TSHZ2: variants seen among roughly 807,000 people sequenced by gnomAD.
TSHZ2 encodes teashirt homolog 2.
In TSHZ2, 21 loss-of-function variants were observed where a neutral mutation model predicts 74.4. The ratio of observed to expected loss-of-function variants is 0.28; its 90% confidence interval spans 0.20 to 0.41. The LOEUF is 0.41. Ranked by LOEUF, TSHZ2 falls within the 10% of genes least tolerant of loss-of-function variation. The pLI is 1.00. For synonymous variants in TSHZ2, 540 were observed against 515.3 expected (o/e 1.05, Z -0.65); for missense variants, 1,244 against 1,293.5 (o/e 0.96, Z 0.59).
At chr20:53,439,169 C>A (rs994044790) in intron 2 of TSHZ2, among the ~76,000 whole-genome samples, 1 of 152,116 alleles carries the variant, frequency 6.6e-6, no homozygotes, top group African/African-American at 2.4e-5. Flanking sequence ...ACATGTCTTC[C>A]TCTGACACTC....
chr20:53,062,703 A>G lies in TSHZ2; in HGVS notation c.40+89370A>G, dbSNP rs2033434391. ...CACTAAAACGTACTCCATATCAGCA[A>G]TAAGGCTGGTTCACTTTCCTATCAT... On this transcript the variant is annotated intron_variant, in intron 1 of 2. Transcript: ENST00000371497. 3.9e-5 allele frequency among the ~76,000 whole-genome samples: 6 copies of G among 152,352 alleles called. No individual in the cohort carries two copies. The South Asian group carries it at 1.0e-3, about 26-fold the overall frequency.
At chr20:53,363,621 C>A (rs1215589284) in intron 2 of TSHZ2, among the ~76,000 whole-genome samples, 2 of 152,188 alleles carry the variant, frequency 1.3e-5, no homozygotes, top group African/African-American at 4.8e-5. Flanking sequence ...GTGAGTGGAG[C>A]TGTCTGGGTG....
chr20:53,326,894 A>G (rs1979515855), intron 2 of TSHZ2, among the ~76,000 whole-genome samples: 2 of 152,228 alleles, frequency 1.3e-5, no homozygotes, highest in Non-Finnish European at 2.9e-5. Flanking sequence ...AATTATGATG[A>G]TCGGATTCTC....
At chr20:53,205,016 G>A (rs1036118251) in intron 1 of TSHZ2, among the ~76,000 whole-genome samples, 15 of 151,706 alleles carry the variant, frequency 9.9e-5, no homozygotes, top group Admixed American at 4.6e-4. Context: ...ACTTGAACCC[G>A]GGAGGCAGAG....
At chr20:53,114,336 G>C (rs1986612955) in intron 1 of TSHZ2, among the ~76,000 whole-genome samples, 1 of 152,152 alleles carries the variant, frequency 6.6e-6, no homozygotes, top group African/African-American at 2.4e-5. Flanking sequence ...TTTATACCTA[G>C]TCTTGAGCCT....
intron 1 of TSHZ2, among the ~76,000 whole-genome samples, chr20:53,084,429 C>T (rs1985627941): frequency 1.3e-5 from 2 of 152,118 alleles, no homozygotes; most frequent in African/African-American, 4.8e-5. Context: ...ATGTCACTAG[C>T]TAAAACTGAA....
At chr20:53,030,843 GT>G (rs1358549151) in intron 1 of TSHZ2, among the ~76,000 whole-genome samples, 1 of 152,138 alleles carries the variant, frequency 6.6e-6, no homozygotes. Flanking sequence ...ATCCAGTAGA[GT>G]TTTACAATCT....
At chr20:53,435,902 A>G (rs1450338206) in intron 2 of TSHZ2, among the ~76,000 whole-genome samples, 1 of 152,190 alleles carries the variant, frequency 6.6e-6, no homozygotes, top group Admixed American at 6.5e-5. Context: ...TAAGTTATTT[A>G]TCACCCTGTG....
chr20:53,157,990 T>C (rs1017900035), intron 1 of TSHZ2, among the ~76,000 whole-genome samples: 11 of 151,876 alleles, frequency 7.2e-5, no homozygotes, highest in African/African-American at 2.7e-4. Context: ...AACTGAGAAA[T>C]TTGAGTGGGG....
chr20:53,229,883 G>A (rs1989779828), intron 1 of TSHZ2, among the ~76,000 whole-genome samples: 1 of 112,404 alleles, frequency 8.9e-6, no homozygotes, highest in Non-Finnish European at 1.8e-5. Context: ...AGGAAGAAAG[G>A]AAGGAAAAGA....
At chr20:52,983,665 T>A (rs1030077061) in intron 1 of TSHZ2, among the ~76,000 whole-genome samples, 1 of 152,264 alleles carries the variant, frequency 6.6e-6, no homozygotes, top group Non-Finnish European at 1.5e-5. Flanking sequence ...CAAAAGACGA[T>A]GATTTTCGTC....
At chr20:53,192,155 G>A (rs1988751105) in intron 1 of TSHZ2, among the ~76,000 whole-genome samples, 1 of 152,234 alleles carries the variant, frequency 6.6e-6, no homozygotes, top group East Asian at 1.9e-4. Flanking sequence ...TGATCAACTT[G>A]CAGAAAGTCA....
chr20:53,336,288 G>A (rs1321215423), intron 2 of TSHZ2, among the ~76,000 whole-genome samples: 1 of 152,134 alleles, frequency 6.6e-6, no homozygotes, highest in Non-Finnish European at 1.5e-5. Flanking sequence ...TCCAGGACTG[G>A]TTATTTCATA....
chr20:53,293,832 A>G (rs1322999028), intron 2 of TSHZ2, among the ~76,000 whole-genome samples: 2 of 152,080 alleles, frequency 1.3e-5, no homozygotes, highest in Non-Finnish European at 2.9e-5. Flanking sequence ...CCTGGACAAC[A>G]TGGTGAAACC....
chr20:53,022,860 C>T (rs2123037562), intron 1 of TSHZ2, among the ~76,000 whole-genome samples: 1 of 152,278 alleles, frequency 6.6e-6, no homozygotes, highest in East Asian at 1.9e-4. Context: ...ATCATCGCTG[C>T]TCTGACTACG....
chr20:53,462,216 T>C (rs1225145555), intron 2 of TSHZ2, among the ~76,000 whole-genome samples: 2 of 152,146 alleles, frequency 1.3e-5, no homozygotes, highest in Non-Finnish European at 2.9e-5. Flanking sequence ...ACTGTGCCAT[T>C]GTACTCCAGC....
At chr20:53,238,824 C>T (rs927195718) in intron 1 of TSHZ2, among the ~76,000 whole-genome samples, 1 of 111,632 alleles carries the variant, frequency 9.0e-6, no homozygotes, top group Non-Finnish European at 1.7e-5. Flanking sequence ...AGTCCCAAGT[C>T]AATCTTATAT....
intron 2 of TSHZ2, among the ~76,000 whole-genome samples, chr20:53,457,954 G>A (rs930743126): frequency 1.3e-5 from 2 of 149,420 alleles, no homozygotes; most frequent in African/African-American, 2.4e-5. Context: ...TGCTGGATTC[G>A]TTTTGCCAGT....
chr20:53,042,412 T>A (rs1193609799), intron 1 of TSHZ2, among the ~76,000 whole-genome samples: 5 of 152,218 alleles, frequency 3.3e-5, no homozygotes, highest in African/African-American at 1.2e-4. Flanking sequence ...ATCACTTCAG[T>A]GTGCTAGGCA....
Sources: allele counts gnomAD v4.1 joint callset (sites outside exome capture counted in the v4.1 genomes callset), GRCh38; gene constraint gnomAD v4.1.1; transcripts MANE v1.5; gene names NCBI Gene and HGNC (gene_info 2026-07-23, HGNC 2026-07-21).